ABTB2: variants seen among roughly 807,000 people sequenced by gnomAD.
The protein encoded by ABTB2 is ankyrin repeat and BTB domain containing 2.
Under a neutral mutation model 104.1 loss-of-function variants are expected in ABTB2, and 56 were observed. That is an observed-to-expected ratio of 0.54 (90% CI 0.43 to 0.67). The LOEUF (loss-of-function observed/expected upper bound fraction) is 0.67. Among genes scored for constraint, ABTB2 ranks in the 30% least tolerant of loss-of-function variants. The pLI is 0.00. For missense variants in ABTB2, 1,279 were observed against 1,407.7 expected (o/e 0.91, Z 1.46); for synonymous variants, 606 against 608.2 (o/e 1.00, Z 0.05).
rs1408508399 is a variant in ABTB2 at position 34,270,860 on chromosome 11, AAG to A, written c.884-66172_884-66171del. ...GTTTTGGGTTTTCTTCGTTTTTTTAAAGAGTGCTAGGTTGAAAGATGTCCCTA... is the reference window on the plus strand; with the variant it reads ...GTTTTGGGTTTTCTTCGTTTTTTTAAAGTGCTAGGTTGAAAGATGTCCCTA... On this transcript the variant is annotated intron_variant, in intron 1 of 16. Transcript: ENST00000435224. Among the ~76,000 whole-genome samples the A allele has an allele frequency of 2.0e-5, 3 of 152,160 alleles. 1 individual carries two copies. Among genetic ancestry groups the A allele is most frequent in the Middle Eastern group, 6.3e-3 (2 of 316 alleles).
chr11:34,154,363 T>C lies in ABTB2; in HGVS notation c.2782A>G (p.Ser928Gly). 10 of 1,613,186 alleles carry C rather than the reference T, an allele frequency of 6.2e-6. No individual in the cohort carries two copies. The highest frequency in any genetic ancestry group is 7.6e-6 in the Non-Finnish European group (9 of 1,179,754). ...TDILELLSAA[S>G]LFQLDALQRH... ...TGCAGGGCATCCAGCTGGAACAGGC[T>C]GGCAGCTGACAGCAGCTGGTAGGGA... The change falls in exon 16 of 17, where the codon AGC becomes GGC. Residue 928 changes from serine (S) to glycine (G), a missense_variant. By Grantham distance (56) the Ser-to-Gly change is moderately conservative. Transcript: ENST00000435224. This position sits in a 1 kb window ranked among gnomAD's most constrained non-coding sequence, Gnocchi z 4.9.
chr11:34,353,640 G>A (rs777842456), intron 1 of ABTB2, among the ~76,000 whole-genome samples: 3 of 152,166 alleles, frequency 2.0e-5, no homozygotes, highest in African/African-American at 7.2e-5. Flanking sequence ...TCCATCTTGT[G>A]CTGAGCAAAA....
At chr11:34,165,740 G>A (rs534746250) in intron 7 of ABTB2, among the ~76,000 whole-genome samples, 7 of 152,374 alleles carry the variant, frequency 4.6e-5, no homozygotes, top group South Asian at 2.1e-4. Flanking sequence ...ACGTGTTGGA[G>A]TCAGAAGGAG....
chr11:34,196,218 A>G (rs1853254701), intron 3 of ABTB2, among the ~76,000 whole-genome samples: 1 of 152,254 alleles, frequency 6.6e-6, no homozygotes, highest in Non-Finnish European at 1.5e-5. Context: ...TTTTCCAGGT[A>G]GAAAATTTCA....
At chr11:34,269,360 A>T (rs535732490) in intron 1 of ABTB2, among the ~76,000 whole-genome samples, 18 of 152,274 alleles carry the variant, frequency 1.2e-4, no homozygotes, top group African/African-American at 4.3e-4. Context: ...GTGAGATCTG[A>T]AGATATTCCT....
At chr11:34,272,858 G>T in intron 1 of ABTB2, among the ~76,000 whole-genome samples, 1 of 152,012 alleles carries the variant, frequency 6.6e-6, no homozygotes, top group East Asian at 1.9e-4. Context: ...CTGTGGTTAA[G>T]TGTACAGCCT....
At chr11:34,247,833 A>G (rs1015511468) in intron 1 of ABTB2, among the ~76,000 whole-genome samples, 5 of 152,256 alleles carry the variant, frequency 3.3e-5, no homozygotes, top group African/African-American at 1.2e-4. Flanking sequence ...AAACAACTCT[A>G]TGAGAAAAGT....
Position 34,192,138 on chromosome 11 carries a change from T to A in ABTB2, c.1244+5187A>T, listed in dbSNP as rs545581640. ...GGACCCCATTTCTACAAAAATTTTT[T>A]AAAAGTTAGCCAGGTGTGGTGGGGC... On this transcript the variant is annotated intron_variant, in intron 3 of 16. Coordinates refer to ENST00000435224, the MANE Select transcript of ABTB2 (RefSeq NM_145804.3). Among the ~76,000 whole-genome samples, 19 of 152,096 alleles carry A rather than the reference T, an allele frequency of 1.2e-4. No homozygotes were observed. In the South Asian group the frequency reaches 3.9e-3, roughly 32 times the overall value.
intron 1 of ABTB2, among the ~76,000 whole-genome samples, chr11:34,351,296 C>A (rs1855395370): frequency 6.6e-6 from 1 of 152,178 alleles, no homozygotes; most frequent in Admixed American, 6.5e-5. Flanking sequence ...TCCTCTGGGG[C>A]AGCTCTGTTG....
intron 1 of ABTB2, among the ~76,000 whole-genome samples, chr11:34,344,738 T>C (rs1444866647): frequency 6.6e-6 from 1 of 152,208 alleles, no homozygotes; most frequent in Non-Finnish European, 1.5e-5. Context: ...ACTCAAGCCA[T>C]CCACCTGCCT....
rs114033822 is a variant in ABTB2, at chr11:34,157,920, T to G, written c.2697+1376A>C. Reference sequence around the variant, plus strand: ...CTGTTTTGCACATCCTGGGTTTGAATTCTGTCTCCATCACTTCCCAGCTAT... The same window carrying G: ...CTGTTTTGCACATCCTGGGTTTGAAGTCTGTCTCCATCACTTCCCAGCTAT... On this transcript the variant is annotated intron_variant, in intron 14 of 16. Transcript: ENST00000435224. 5.1e-3 allele frequency among the ~76,000 whole-genome samples: 783 copies of G among 152,330 alleles called. 3 individuals are homozygous for G. Among genetic ancestry groups the G allele is most frequent in the African/African-American group, 0.018 (748 of 41,572 alleles).
At chr11:34,320,374 G>A (rs558804541) in intron 1 of ABTB2, among the ~76,000 whole-genome samples, 1 of 152,166 alleles carries the variant, frequency 6.6e-6, no homozygotes, top group Non-Finnish European at 1.5e-5. Flanking sequence ...AAGTCAGAAG[G>A]CAGGGTCCTA....
intron 1 of ABTB2, among the ~76,000 whole-genome samples, chr11:34,341,406 T>C (rs1483404830): frequency 1.3e-5 from 2 of 152,116 alleles, no homozygotes; most frequent in Non-Finnish European, 2.9e-5. Context: ...TGGGGAATGG[T>C]TGAAATTTTT....
chr11:34,280,151 G>A (rs761796357), intron 1 of ABTB2, among the ~76,000 whole-genome samples: 2 of 152,108 alleles, frequency 1.3e-5, no homozygotes, highest in African/African-American at 2.4e-5. Context: ...TTGTACAGAT[G>A]AGAACATTGA....
chr11:34,156,956 A>G (rs1259034210), intron 14 of ABTB2, among the ~76,000 whole-genome samples: 1 of 152,244 alleles, frequency 6.6e-6, no homozygotes, highest in Non-Finnish European at 1.5e-5. Flanking sequence ...ATTACAATGT[A>G]TGCCTCACAC....
At chr11:34,315,821 C>G (rs1446944744) in intron 1 of ABTB2, among the ~76,000 whole-genome samples, 1 of 152,220 alleles carries the variant, frequency 6.6e-6, no homozygotes, top group African/African-American at 2.4e-5. Flanking sequence ...ATGGCAGGCT[C>G]TCAGTGCTTC....
chr11:34,202,153 G>A (rs1853349290), intron 2 of ABTB2, among the ~76,000 whole-genome samples: 1 of 152,246 alleles, frequency 6.6e-6, no homozygotes, highest in Non-Finnish European at 1.5e-5. Flanking sequence ...CATGTCAAGT[G>A]GTGATCAGTG....
chr11:34,324,619 G>A (rs1210392747), intron 1 of ABTB2, among the ~76,000 whole-genome samples: 1 of 152,184 alleles, frequency 6.6e-6, no homozygotes, highest in Non-Finnish European at 1.5e-5. Context: ...GGTCAGTAAT[G>A]CTGCCAGACC....
chr11:34,301,605 C>T (rs576187146), intron 1 of ABTB2, among the ~76,000 whole-genome samples: 13 of 152,342 alleles, frequency 8.5e-5, no homozygotes, highest in African/African-American at 3.1e-4. Flanking sequence ...TTCCCTCTGC[C>T]TGTGACCCAG....
Sources: allele counts gnomAD v4.1 joint callset (sites outside exome capture counted in the v4.1 genomes callset), GRCh38; gene constraint gnomAD v4.1.1; non-coding constraint Gnocchi (gnomAD v3.1); transcripts MANE v1.5; gene names NCBI Gene and HGNC (gene_info 2026-07-23, HGNC 2026-07-21).